DNAH7: variants seen among roughly 807,000 people sequenced by gnomAD.
DNAH7 encodes dynein axonemal heavy chain 7, also known as axonemal beta dynein heavy chain 7.
DNAH7 carries 397 observed loss-of-function variants against 444.6 expected under a neutral mutation model. The observed-to-expected ratio is 0.89, with a 90% CI of 0.82 to 0.97. The LOEUF is 0.97. DNAH7 is among the 50% of genes least tolerant of loss of function. The pLI is 0.00. For synonymous variants in DNAH7, 1,636 were observed against 1,624.4 expected, an observed-to-expected ratio of 1.01 and a Z score of -0.17; for missense variants, 4,902 against 4,800.8, an observed-to-expected ratio of 1.02 and a Z score of -0.62.
At chr2:196,018,748 T>C (rs1309198493) in intron 9 of DNAH7, among the ~76,000 whole-genome samples, 2 of 152,126 alleles carry the variant, frequency 1.3e-5, no homozygotes, top group African/African-American at 4.8e-5. Context: ...AGACCTAGTA[T>C]TTGATAGCAC....
chr2:196,006,663 C>T (rs750090778), intron 10 of DNAH7, among the ~76,000 whole-genome samples: 25 of 150,992 alleles, frequency 1.7e-4, no homozygotes, highest in East Asian at 7.8e-4. Flanking sequence ...AGAATCCACA[C>T]GCAAAAACCA....
At chr2:195,950,455 T>C (rs927581687) in intron 19 of DNAH7, among the ~76,000 whole-genome samples, 1 of 152,110 alleles carries the variant, frequency 6.6e-6, no homozygotes, top group African/African-American at 2.4e-5. Context: ...GGTGGTGATA[T>C]CCCCTTTATC....
intron 24 of DNAH7, among the ~76,000 whole-genome samples, chr2:195,919,978 T>C (rs1190796393): frequency 6.6e-6 from 1 of 152,036 alleles, no homozygotes; most frequent in Non-Finnish European, 1.5e-5. Context: ...AGATATGGGG[T>C]CTTCAAGATG....
intron 59 of DNAH7, 103 bp from the exon 60 acceptor site, chr2:195,776,086 A>G (rs537138923): frequency 1.4e-6 from 2 of 1,407,112 alleles, no homozygotes; most frequent in South Asian, 2.7e-5. Flanking sequence ...TATTGACTGG[A>G]TAGGCCTGTG....
intron 58 of DNAH7, among the ~76,000 whole-genome samples, chr2:195,779,612 T>G (rs889535865): frequency 2.6e-5 from 4 of 152,124 alleles, no homozygotes; most frequent in African/African-American, 9.7e-5. Flanking sequence ...GTAGGGTTTT[T>G]TTTGTTTGTT....
intron 3 of DNAH7, among the ~76,000 whole-genome samples, chr2:196,049,195 C>G (rs1380328288): frequency 6.6e-6 from 1 of 152,112 alleles, no homozygotes; most frequent in African/African-American, 2.4e-5. Flanking sequence ...TCTCTTTCTG[C>G]CTAGTTTTAC....
chr2:195,991,549 G>T (rs1693342569), intron 12 of DNAH7, among the ~76,000 whole-genome samples: 1 of 152,146 alleles, frequency 6.6e-6, no homozygotes, highest in Non-Finnish European at 1.5e-5. Context: ...TTACAAATTA[G>T]TTGCTATTTT....
chr2:195,990,086 C>A (rs772809615), intron 12 of DNAH7, among the ~76,000 whole-genome samples: 1 of 152,130 alleles, frequency 6.6e-6, no homozygotes, highest in African/African-American at 2.4e-5. Context: ...TTGATGTAAT[C>A]CCATTTGTCA....
chr2:195,886,305 T>C (rs1487213925), intron 33 of DNAH7, 33 bp from the exon 34 acceptor site: 1 of 1,592,068 alleles, frequency 6.3e-7, no homozygotes, highest in Admixed American at 1.7e-5. Flanking sequence ...GACTAAACAA[T>C]TTAAATTAGG....
At chr2:195,795,494 C>T (rs1431320835) in intron 56 of DNAH7, among the ~76,000 whole-genome samples, 1 of 152,162 alleles carries the variant, frequency 6.6e-6, no homozygotes, top group African/African-American at 2.4e-5. Context: ...ATTACATCAA[C>T]TATGATGACG....
At chr2:195,769,188 A>G (rs970845016) in intron 61 of DNAH7, among the ~76,000 whole-genome samples, 2 of 152,150 alleles carry the variant, frequency 1.3e-5, no homozygotes, top group Non-Finnish European at 2.9e-5. Context: ...AAAGAAATTG[A>G]TGCTTCAAAG....
At chr2:195,802,529 C>T (rs934256481) in intron 54 of DNAH7, among the ~76,000 whole-genome samples, 5 of 151,796 alleles carry the variant, frequency 3.3e-5, no homozygotes, top group Admixed American at 2.6e-4. Flanking sequence ...ATTAGCTGGG[C>T]ATGGTGGTGC....
chr2:195,833,749 ACTT>A (rs1005975957), intron 48 of DNAH7, among the ~76,000 whole-genome samples: 3 of 151,966 alleles, frequency 2.0e-5, no homozygotes, highest in Non-Finnish European at 4.4e-5. Flanking sequence ...CCTCTCTGCC[ACTT>A]CTTTTTATTT....
At chr2:196,033,381 T>C (rs1394585904) in intron 5 of DNAH7, among the ~76,000 whole-genome samples, 1 of 152,198 alleles carries the variant, frequency 6.6e-6, no homozygotes, top group Non-Finnish European at 1.5e-5. Flanking sequence ...CTGTGCAATA[T>C]GTTTTAAAGA....
intron 19 of DNAH7, 92 bp from the exon 20 acceptor site, chr2:195,936,884 T>A: frequency 9.4e-7 from 1 of 1,058,812 alleles, no homozygotes; most frequent in South Asian, 2.5e-5. Flanking sequence ...ATGTTTGTAA[T>A]CAAACAAAGG....
At chr2:196,035,522 T>G (rs780312222) in intron 5 of DNAH7, among the ~76,000 whole-genome samples, 12 of 152,044 alleles carry the variant, frequency 7.9e-5, no homozygotes, top group South Asian at 2.1e-4. Context: ...GATGATTGTA[T>G]GAAGTAGCTG....
intron 62 of DNAH7, 65 bp downstream of exon 62, chr2:195,756,068 C>G: frequency 1.3e-6 from 2 of 1,496,514 alleles, no homozygotes; most frequent in South Asian, 2.6e-5. Flanking sequence ...TTACATTAAG[C>G]ATTCTGACGA....
chr2:195,868,897 T>C lies in DNAH7; in HGVS notation c.6633+3353A>G, dbSNP rs1700512625. Among the ~76,000 whole-genome samples, 4 of 149,534 alleles carry C rather than the reference T, an allele frequency of 2.7e-5. No individual in the cohort carries two copies. The Admixed American group carries it at 2.7e-4, about 10-fold the overall frequency. On this transcript the variant is annotated intron_variant, in intron 40 of 64. Transcript: ENST00000312428. ...GGTTATCTAGTATGATAATGATGTC[T>C]GGAAAGGAAAAAGACATGTAAAGTA...
At chr2:196,024,785 C>A (rs1485012971) in intron 7 of DNAH7, among the ~76,000 whole-genome samples, 1 of 151,448 alleles carries the variant, frequency 6.6e-6, no homozygotes. Context: ...TTATATTTTC[C>A]TTTATAGCTA....
Sources: gnomAD v4.1 joint callset for allele counts (sites outside exome capture counted in the v4.1 genomes callset) on GRCh38, gnomAD v4.1.1 for gene constraint, MANE v1.5 for transcripts, NCBI Gene and HGNC (gene_info 2026-07-23, HGNC 2026-07-21) for gene names.